RYR3: variants seen among roughly 807,000 people sequenced by gnomAD.
RYR3 encodes brain ryanodine receptor-calcium release channel.
Under a neutral mutation model 584.3 loss-of-function variants are expected in RYR3, and 207 were observed. The observed-to-expected ratio is 0.35, with a 90% CI of 0.32 to 0.40. The LOEUF (loss-of-function observed/expected upper bound fraction) is 0.40, where lower values mean the gene tolerates loss of function less well. RYR3 is among the 10% of genes least tolerant of loss of function. The pLI is 1.00. For missense variants in RYR3, 5,616 were observed against 6,089.2 expected (o/e 0.92, Z 2.59); for synonymous variants, 2,416 against 2,248.5 (o/e 1.07, Z -2.11).
chr15:33,634,818 C>A, intron 25 of RYR3, 85 bp downstream of exon 25: 1 of 1,148,158 alleles, frequency 8.7e-7, no homozygotes, highest in Non-Finnish European at 1.3e-6. Flanking sequence ...ATAGGTCTAA[C>A]TTGTACTATT....
Position 33,585,672 on chromosome 15 carries a change from G to A in RYR3, c.1670-326G>A, listed in dbSNP as rs185127572. Among the ~76,000 whole-genome samples, 197 of 152,278 alleles carry A rather than the reference G, an allele frequency of 1.3e-3. 1 individual carries two copies. The Middle Eastern group carries it at 0.014, about 11-fold the overall frequency. ...TATCTATTTTTAAATGAAGTATTAT[G>A]TGGTTTGATCAAATGAAAAATTTTA... On this transcript the variant is annotated intron_variant, in intron 15 of 103. Coordinates refer to ENST00000634891, the MANE Select transcript of RYR3 (RefSeq NM_001036.6).
At chr15:33,471,317 A>G (rs2048908560) in intron 1 of RYR3, among the ~76,000 whole-genome samples, 1 of 152,128 alleles carries the variant, frequency 6.6e-6, no homozygotes, top group Non-Finnish European at 1.5e-5. Flanking sequence ...CAGAGCCCCA[A>G]CCTAGGAACA....
intron 2 of RYR3, among the ~76,000 whole-genome samples, chr15:33,477,835 A>G (rs2049540392): frequency 8.2e-6 from 1 of 121,548 alleles, no homozygotes; most frequent in Non-Finnish European, 1.5e-5. Flanking sequence ...AGATGGCGCC[A>G]CTGCACTCCA....
At chr15:33,790,068 T>C (rs1204763095) in intron 67 of RYR3, among the ~76,000 whole-genome samples, 1 of 134,742 alleles carries the variant, frequency 7.4e-6, no homozygotes, top group Non-Finnish European at 1.5e-5. Flanking sequence ...CTCGGCTCAC[T>C]ACAAGCTCCG....
chr15:33,845,988 G>T (rs724443), intron 93 of RYR3, among the ~76,000 whole-genome samples: 6,763 of 152,294 alleles, frequency 0.044, 213 homozygotes, highest in Non-Finnish European at 0.065. Flanking sequence ...AGCTCAGCTG[G>T]GCTGGAATGG....
chr15:33,730,398 T>C lies in RYR3; in HGVS notation c.7204-1076T>C, dbSNP rs147743411. Reference sequence around the variant, plus strand: ...TCATGCATTCTCTTTTGAAAACTTATAATCTACTGAAATCAAAGCTCTGTC... The same window carrying C: ...TCATGCATTCTCTTTTGAAAACTTACAATCTACTGAAATCAAAGCTCTGTC... On this transcript the variant is annotated intron_variant, in intron 47 of 103. Transcript: ENST00000634891. Among the ~76,000 whole-genome samples, 702 of 152,358 alleles carry C rather than the reference T, an allele frequency of 4.6e-3. 11 individuals are homozygous for C. Among genetic ancestry groups the C allele is most frequent in the Admixed American group, 0.042 (642 of 15,298 alleles).
In RYR3 at chr15:33,311,145, C is replaced by T. The variant is rs772654993; in HGVS notation, c.51+49C>T. On this transcript the variant is annotated intron_variant, in intron 1 of 103. Transcript: ENST00000634891. The surrounding 1 kb of genome is among the most constrained non-coding windows in gnomAD (Gnocchi z 4.4). Reference sequence around the variant, plus strand: ...GGCCGTGGGCAGGTGGGGAGGAGCGCGGAGCGCGGCGAGGAGGGGCTGGCT... The same window carrying T: ...GGCCGTGGGCAGGTGGGGAGGAGCGTGGAGCGCGGCGAGGAGGGGCTGGCT... The T allele has an allele frequency of 4.2e-6, 6 of 1,445,730 alleles. No homozygotes were observed. The African/African-American group carries it at 7.3e-5, about 18-fold the overall frequency. 89.6% of individuals were successfully genotyped at this position (1,445,730 alleles called of 1,614,324 possible).
intron 85 of RYR3, among the ~76,000 whole-genome samples, chr15:33,829,669 C>T (rs934326206): frequency 9.3e-5 from 14 of 151,186 alleles, no homozygotes; most frequent in Non-Finnish European, 1.8e-4. Context: ...AGGAGAATGG[C>T]GTGAACCCGG....
intron 32 of RYR3, among the ~76,000 whole-genome samples, chr15:33,655,005 G>T (rs555399282): frequency 6.6e-6 from 1 of 152,200 alleles, no homozygotes; most frequent in African/African-American, 2.4e-5. Context: ...CTTCCTGGGG[G>T]CGGGGAGCAG....
chr15:33,768,914 G>T (rs2073332751), intron 61 of RYR3, among the ~76,000 whole-genome samples, 198 bp from the exon 62 acceptor site: 1 of 151,544 alleles, frequency 6.6e-6, no homozygotes, highest in Non-Finnish European at 1.5e-5. Flanking sequence ...AAAATTTTAA[G>T]CTCTACCTCT....
intron 1 of RYR3, among the ~76,000 whole-genome samples, chr15:33,460,306 C>T (rs2047910009): frequency 6.6e-6 from 1 of 152,222 alleles, no homozygotes; most frequent in African/African-American, 2.4e-5. Flanking sequence ...CCCGCTGCTA[C>T]ACTATGAGTA....
At chr15:33,574,431 T>A (rs680851) in intron 12 of RYR3, among the ~76,000 whole-genome samples, 1 of 152,104 alleles carries the variant, frequency 6.6e-6, no homozygotes, top group Middle Eastern at 3.4e-3. Context: ...CATGTACTCA[T>A]GGCATTCTCT....
intron 1 of RYR3, among the ~76,000 whole-genome samples, chr15:33,404,673 A>G (rs974052054): frequency 6.6e-6 from 1 of 152,042 alleles, no homozygotes; most frequent in African/African-American, 2.4e-5. Flanking sequence ...GCTGAGAAGC[A>G]TTAACCACTA....
Position 33,736,266 on chromosome 15 carries a change from C to A in RYR3, c.7456C>A (p.Leu2486Met). 1 of 1,613,310 alleles carries A rather than the reference C, an allele frequency of 6.2e-7. No individual in the cohort carries two copies. Among genetic ancestry groups the A allele is most frequent in the South Asian group, 1.1e-5 (1 of 90,946 alleles). ...HLRPSMLQQL[L>M]RRLVFDVPQL... The stretch of plus-strand genomic sequence containing the variant: ...GAGGCCTTCCATGTTACAGCAACTC[C>A]TGCGACGCCTCGTTTTTGATGTGCC... Residue 2486 changes from leucine (L) to methionine (M), a missense_variant, in exon 49 of 104, where the codon CTG (leucine) becomes ATG (methionine). Transcript: ENST00000634891.
intron 20 of RYR3, among the ~76,000 whole-genome samples, chr15:33,625,960 C>T (rs547567192): frequency 1.3e-4 from 20 of 152,294 alleles, no homozygotes; most frequent in Non-Finnish European, 2.4e-4. Flanking sequence ...AATCCTTATA[C>T]CACTGTGGCA....
chr15:33,852,733 A>C, intron 94 of RYR3: 1 of 246,312 alleles, frequency 4.1e-6, no homozygotes, highest in East Asian at 1.0e-4. Context: ...GGATTAGGGA[A>C]AGGACTTAGA....
At chr15:33,435,770 A>G (rs2045655276) in intron 1 of RYR3, among the ~76,000 whole-genome samples, 2 of 152,144 alleles carry the variant, frequency 1.3e-5, no homozygotes, top group Admixed American at 6.5e-5. Flanking sequence ...TCGCAGTGTT[A>G]CAGCTCTTAA....
rs751267074 is a variant in RYR3, at chr15:33,652,902, G to T, written c.4308+19G>T. ...CTACCAGGTAAGGGCGGCTTCTGGGGCCGAAACAGGGCTATCCCAGGCCTG... is the reference window on the plus strand; with the variant it reads ...CTACCAGGTAAGGGCGGCTTCTGGGTCCGAAACAGGGCTATCCCAGGCCTG... On this transcript the variant is annotated intron_variant, in intron 32 of 103. Coordinates refer to ENST00000634891, the MANE Select transcript of RYR3 (RefSeq NM_001036.6). 1.3e-6 allele frequency: 2 copies of T among 1,598,262 alleles called. No individual in the cohort carries two copies. Among genetic ancestry groups the T allele is most frequent in the East Asian group, 2.2e-5 (1 of 44,568 alleles).
At chr15:33,507,641 C>T (rs905912103) in intron 3 of RYR3, among the ~76,000 whole-genome samples, 2 of 152,166 alleles carry the variant, frequency 1.3e-5, no homozygotes, top group African/African-American at 4.8e-5. Context: ...GTCCCCACCT[C>T]CCTCTAAGCC....
Sources: gnomAD v4.1 joint callset for allele counts (sites outside exome capture counted in the v4.1 genomes callset) on GRCh38, gnomAD v4.1.1 for gene constraint, Gnocchi (gnomAD v3.1) non-coding constraint, MANE v1.5 for transcripts, NCBI Gene and HGNC (gene_info 2026-07-23, HGNC 2026-07-21) for gene names.